TANC2: variants seen among roughly 807,000 people sequenced by gnomAD.
TANC2 encodes the protein protein TANC2.
Under a neutral mutation model 210.5 loss-of-function variants are expected in TANC2, and 26 were observed. The ratio of observed to expected loss-of-function variants is 0.12; its 90% CI spans 0.09 to 0.17. The LOEUF (loss-of-function observed/expected upper bound fraction) is 0.17, where lower values mean the gene tolerates loss of function less well. Among genes scored for constraint, TANC2 ranks in the 10% least tolerant of loss-of-function variants. TANC2 has a pLI of 1.00. For missense variants in TANC2, 2,129 were observed against 2,608.9 expected (o/e 0.82, Z 4.01); for synonymous variants, 931 against 967.1 (o/e 0.96, Z 0.69).
intron 1 of TANC2, among the ~76,000 whole-genome samples, chr17:62,989,899 T>G (rs2032770792): frequency 6.6e-6 from 1 of 150,882 alleles, no homozygotes; most frequent in Non-Finnish European, 1.5e-5. Context: ...GCCTCCTGAG[T>G]AGCTGGGACT....
At chr17:62,982,678 G>A (rs377072955) in intron 1 of TANC2, among the ~76,000 whole-genome samples, 1 of 152,170 alleles carries the variant, frequency 6.6e-6, no homozygotes, top group Admixed American at 6.5e-5. Context: ...GACCTCTAAT[G>A]CGTTGTTGCT....
intron 12 of TANC2, among the ~76,000 whole-genome samples, chr17:63,340,907 C>T (rs1467214262): frequency 6.6e-6 from 1 of 152,096 alleles, no homozygotes; most frequent in African/African-American, 2.4e-5. Flanking sequence ...AAATGAGATC[C>T]ATCTCCCATT....
At chr17:63,099,272 G>A in exon 4 of TANC2, 1 of 1,601,022 alleles carries the variant, frequency 6.2e-7, no homozygotes, top group African/African-American at 1.3e-5. Context: ...GGATTATGGA[G>A]GGCATGTCTC....
At chr17:63,374,193 C>T (rs1022971982) in intron 14 of TANC2, among the ~76,000 whole-genome samples, 3 of 151,860 alleles carry the variant, frequency 2.0e-5, no homozygotes, top group Non-Finnish European at 4.4e-5. Context: ...CACGCCAGCA[C>T]AACTGGCTAA....
intron 5 of TANC2, among the ~76,000 whole-genome samples, chr17:63,189,248 G>A (rs2041106121): frequency 6.6e-6 from 1 of 152,072 alleles, no homozygotes; most frequent in Non-Finnish European, 1.5e-5. Flanking sequence ...TGTACAAGTT[G>A]ATGTGTGTTT....
intron 3 of TANC2, among the ~76,000 whole-genome samples, chr17:63,095,680 G>T (rs549867321): frequency 6.6e-6 from 1 of 152,228 alleles, no homozygotes; most frequent in East Asian, 1.9e-4. Context: ...CTCAGAGTCA[G>T]TCTGAAGGCT....
At chr17:63,368,357 A>G (rs909642416) in intron 14 of TANC2, among the ~76,000 whole-genome samples, 2 of 152,212 alleles carry the variant, frequency 1.3e-5, no homozygotes, top group Non-Finnish European at 2.9e-5. Context: ...ATATTTAGGA[A>G]TGTGCCTTTA....
Position 63,009,765 on chromosome 17 carries a change from T to C in TANC2, c.67+139T>C, listed in dbSNP as rs1017327055. 1.0e-5 allele frequency: 7 copies of C among 689,020 alleles called. No individual in the cohort carries two copies. In the East Asian group the frequency reaches 1.4e-4, roughly 13 times the overall value. 42.7% of individuals were successfully genotyped at this position (689,020 alleles called of 1,614,324 possible). On this transcript the variant is annotated intron_variant, in intron 2 of 27. Transcript: ENST00000689528. ...AAGTTTACATTTCTTTGGGCTTTCA[T>C]ACGCTTTATTAAGAGGTAGGAACAC...
chr17:63,166,044 C>T (rs1177742150), intron 5 of TANC2, among the ~76,000 whole-genome samples: 2 of 152,146 alleles, frequency 1.3e-5, no homozygotes, highest in East Asian at 3.9e-4. Context: ...TGTAGTACCC[C>T]TTGTAGACTG....
intron 12 of TANC2, among the ~76,000 whole-genome samples, chr17:63,343,348 G>C (rs1010699381): frequency 7.2e-5 from 11 of 152,234 alleles, no homozygotes; most frequent in African/African-American, 2.6e-4. Context: ...TTTCTAAAGA[G>C]GCATTTGATA....
intron 14 of TANC2, among the ~76,000 whole-genome samples, chr17:63,371,782 AGG>A (rs143310816): frequency 1.3e-5 from 2 of 152,342 alleles, no homozygotes; most frequent in African/African-American, 4.8e-5. Context: ...ATGAGGATAG[AGG>A]GGAGTGATTC....
intron 12 of TANC2, among the ~76,000 whole-genome samples, chr17:63,342,863 C>T (rs528787023): frequency 6.6e-6 from 1 of 152,308 alleles, no homozygotes; most frequent in Non-Finnish European, 1.5e-5. Context: ...CAAGATATAT[C>T]TGCCTCTCAT....
At chr17:63,315,473 C>T (rs918016547) in intron 10 of TANC2, among the ~76,000 whole-genome samples, 4 of 152,132 alleles carry the variant, frequency 2.6e-5, no homozygotes, top group African/African-American at 7.2e-5. Flanking sequence ...GCTGCCTCTC[C>T]TTACTGGTGA....
At chr17:63,167,884 C>CAAAA (rs760465295) in intron 5 of TANC2, among the ~76,000 whole-genome samples, 108 of 63,846 alleles carry the variant, frequency 1.7e-3, no homozygotes, top group Middle Eastern at 0.016. Flanking sequence ...GACTCTGTCT[C>CAAAA]AAAAAAAAAA....
intron 4 of TANC2, among the ~76,000 whole-genome samples, chr17:63,101,560 G>A (rs536324325): frequency 3.0e-4 from 45 of 152,260 alleles, no homozygotes; most frequent in South Asian, 1.5e-3. Flanking sequence ...TCATTCAACA[G>A]ATATTTGTCT....
chr17:63,087,056 A>T (rs1165129041), intron 3 of TANC2, among the ~76,000 whole-genome samples: 1 of 152,202 alleles, frequency 6.6e-6, no homozygotes, highest in African/African-American at 2.4e-5. Flanking sequence ...TAAATCTTGC[A>T]GCTGGTCACT....
intron 7 of TANC2, among the ~76,000 whole-genome samples, chr17:63,214,358 G>A (rs1475903210): frequency 6.6e-6 from 1 of 152,196 alleles, no homozygotes; most frequent in African/African-American, 2.4e-5. Flanking sequence ...TAGTAACACA[G>A]ACCTAACTCC....
intron 4 of TANC2, among the ~76,000 whole-genome samples, chr17:63,110,345 C>T (rs1007963838): frequency 1.3e-5 from 2 of 151,656 alleles, no homozygotes; most frequent in East Asian, 3.8e-4. Flanking sequence ...TTAATGTCCT[C>T]TTAATGATGT....
chr17:63,292,273 A>C (rs186741889), intron 9 of TANC2, among the ~76,000 whole-genome samples: 14 of 152,170 alleles, frequency 9.2e-5, no homozygotes, highest in Admixed American at 9.2e-4. Context: ...TATTTTAAAG[A>C]TGGGCAGAAA....
Sources: gnomAD v4.1 joint callset for allele counts (sites outside exome capture counted in the v4.1 genomes callset) on GRCh38, gnomAD v4.1.1 for gene constraint, MANE v1.5 for transcripts, NCBI Gene and HGNC (gene_info 2026-07-23, HGNC 2026-07-21) for gene names.